Variants in RNF4 observed in about 807,000 individuals in gnomAD.
RNF4 encodes ring finger protein 4.
In RNF4, 7 loss-of-function variants were observed where a neutral mutation model predicts 24.3. That is an observed-to-expected ratio of 0.29 (90% CI 0.16 to 0.54). The LOEUF is 0.54. Ranked by LOEUF, RNF4 falls within the 20% of genes least tolerant of loss-of-function variation. The pLI is 0.95. For synonymous variants in RNF4, 83 were observed against 84.3 expected, an observed-to-expected ratio of 0.98 and a Z score of 0.09; for missense variants, 209 against 248.5, an observed-to-expected ratio of 0.84 and a Z score of 1.07.
At chr4:2,492,230 G>A (rs1203527809) in intron 2 of RNF4, among the ~76,000 whole-genome samples, 1 of 151,872 alleles carries the variant, frequency 6.6e-6, no homozygotes, top group Non-Finnish European at 1.5e-5. Flanking sequence ...ATTTTTGTAG[G>A]CATGGAGTCT....
At chr4:2,489,236 G>A (rs546677613) in intron 1 of RNF4, among the ~76,000 whole-genome samples, 3 of 152,298 alleles carry the variant, frequency 2.0e-5, no homozygotes, top group South Asian at 4.1e-4. Flanking sequence ...AAGTTGCTGC[G>A]GCAAATGTTT....
At chr4:2,470,114 T>A (rs1734856743) in intron 1 of RNF4, 1 of 152,288 alleles carries the variant, frequency 6.6e-6, no homozygotes, top group Non-Finnish European at 1.5e-5. Context: ...ATCTTCGTTC[T>A]GTTTCTGCAC....
intron 3 of RNF4, among the ~76,000 whole-genome samples, chr4:2,499,122 G>A (rs1293619038): frequency 1.3e-5 from 2 of 151,910 alleles, no homozygotes; most frequent in African/African-American, 4.8e-5. Context: ...ACTTGCACCT[G>A]GGAGGCAGAG....
chr4:2,492,806 G>A (rs1288113816), intron 2 of RNF4, among the ~76,000 whole-genome samples: 2 of 152,188 alleles, frequency 1.3e-5, no homozygotes, highest in African/African-American at 4.8e-5. Context: ...TCACCTGCAG[G>A]TTACCATGTA....
chr4:2,497,226 A>T (rs1409645627), intron 3 of RNF4, 105 bp downstream of exon 3: 1 of 728,428 alleles, frequency 1.4e-6, no homozygotes, highest in African/African-American at 1.8e-5. Context: ...TAGAAGGCCT[A>T]TGCAGTCTCA....
chr4:2,475,002 G>A (rs1405968931), intron 1 of RNF4, among the ~76,000 whole-genome samples: 1 of 152,076 alleles, frequency 6.6e-6, no homozygotes, highest in African/African-American at 2.4e-5. Context: ...ACTCCAGCCT[G>A]GGCAACAAGA....
At chr4:2,491,548 C>G (rs1268832983) in intron 2 of RNF4, among the ~76,000 whole-genome samples, 2 of 152,004 alleles carry the variant, frequency 1.3e-5, no homozygotes, top group Non-Finnish European at 2.9e-5. Context: ...GTTCAAGCGA[C>G]TCTCCTGCCT....
Position 2,511,853 on chromosome 4 carries a change from C to G in RNF4, c.205-103C>G, listed in dbSNP as rs960587969. The G allele has an allele frequency of 1.5e-5, 18 of 1,194,728 alleles. No homozygotes were observed. The South Asian group carries it at 2.1e-4, about 14-fold the overall frequency. The allele number at this position is 1,194,728 out of a possible 1,614,324, so 74.0% of individuals were successfully genotyped here. ...GGCCTCTGCTGCTCACCAGAGGGTT[C>G]CACAGAGGGTGTCACACGTCAGAAA... On this transcript the variant is annotated intron_variant, in intron 4 of 7. Transcript: ENST00000314289.
At chr4:2,475,229 G>A (rs1490684553) in intron 1 of RNF4, among the ~76,000 whole-genome samples, 3 of 152,150 alleles carry the variant, frequency 2.0e-5, no homozygotes, top group Admixed American at 6.5e-5. Context: ...GCATTGGTGC[G>A]ATCGTAACTC....
At chr4:2,497,209 G>A (rs867676137) in intron 3 of RNF4, 88 bp downstream of exon 3, 1 of 967,834 alleles carries the variant, frequency 1.0e-6, no homozygotes, top group South Asian at 1.6e-5. Context: ...GGTGCTTTCA[G>A]TGTCTTTAGA....
intron 4 of RNF4, among the ~76,000 whole-genome samples, chr4:2,508,982 G>A (rs1736188073): frequency 7.5e-6 from 1 of 133,630 alleles, no homozygotes. Context: ...GAGTACAATG[G>A]ATCTCAGCTC....
chr4:2,483,688 C>T (rs565158258), intron 1 of RNF4, among the ~76,000 whole-genome samples: 1 of 152,054 alleles, frequency 6.6e-6, no homozygotes, highest in East Asian at 2.0e-4. Context: ...CCTGTAATCC[C>T]AGCTAGTTGG....
Position 2,514,094 on chromosome 4 carries a change from C to A in RNF4, c.*275C>A, listed in dbSNP as rs1341811636. On this transcript the variant is annotated 3_prime_UTR_variant, in exon 8 of 8. Coordinates refer to ENST00000314289, the MANE Select transcript of RNF4 (RefSeq NM_002938.5). Reference sequence around the variant, plus strand: ...GTCAGGCGCATTGGGAATCGTGGTTCCAGTCTGGTTGCAGAATCTGCACAT... The same window carrying A: ...GTCAGGCGCATTGGGAATCGTGGTTACAGTCTGGTTGCAGAATCTGCACAT... 12 of 415,548 alleles carry A rather than the reference C, an allele frequency of 2.9e-5. No individual in the cohort carries two copies. The highest frequency in any genetic ancestry group is 3.5e-5 in the Non-Finnish European group (8 of 229,336). 25.7% of individuals were successfully genotyped at this position (415,548 alleles called of 1,614,324 possible). A position where few individuals can be genotyped will look rare whatever the true frequency, so the allele number is the denominator to read the frequency against.
intron 1 of RNF4, among the ~76,000 whole-genome samples, chr4:2,487,711 C>G (rs1200243655): frequency 6.6e-6 from 1 of 152,236 alleles, no homozygotes; most frequent in African/African-American, 2.4e-5. Context: ...GCATGAGCCA[C>G]TGTGCCTGCC....
At chr4:2,483,267 TG>T (rs145220445) in intron 1 of RNF4, among the ~76,000 whole-genome samples, 72 of 152,280 alleles carry the variant, frequency 4.7e-4, no homozygotes, top group African/African-American at 1.5e-3. Flanking sequence ...GGAACCATAC[TG>T]GGTGTTTCAT....
chr4:2,503,284 A>G (rs1197397465), intron 4 of RNF4, among the ~76,000 whole-genome samples: 1 of 151,966 alleles, frequency 6.6e-6, no homozygotes. Context: ...TGGCAGTCCT[A>G]CTCCCAATTA....
intron 1 of RNF4, chr4:2,480,261 AT>A (rs1735207674): frequency 6.8e-6 from 1 of 147,266 alleles, no homozygotes; most frequent in Non-Finnish European, 1.5e-5. Flanking sequence ...TGATAATTTC[AT>A]TCATTCATTC....
intron 3 of RNF4, chr4:2,499,277 T>G: frequency 2.2e-6 from 1 of 451,364 alleles, no homozygotes; most frequent in Admixed American, 2.4e-5. Context: ...CTTCATTTAG[T>G]GTTTTGTTGT....
At chr4:2,513,406 T>A (rs889425846) in intron 7 of RNF4, among the ~76,000 whole-genome samples, 1 of 152,340 alleles carries the variant, frequency 6.6e-6, no homozygotes, top group Admixed American at 6.5e-5. Context: ...TGGCTCTAAC[T>A]GAAAGCTGCT....
Sources: allele counts gnomAD v4.1 joint callset (sites outside exome capture counted in the v4.1 genomes callset), GRCh38; gene constraint gnomAD v4.1.1; transcripts MANE v1.5; gene names NCBI Gene and HGNC (gene_info 2026-07-23, HGNC 2026-07-21).